GNA14: variants seen among roughly 807,000 people sequenced by gnomAD.
GNA14 encodes the protein G protein subunit alpha 14.
In GNA14, 50 loss-of-function variants were observed where a neutral mutation model predicts 42.0. The ratio of observed to expected loss-of-function variants is 1.19; its 90% CI spans 0.95 to 1.51. The LOEUF is 1.51. Among genes scored for constraint, GNA14 ranks in the 40% most tolerant of loss-of-function variants. The probability of loss-of-function intolerance (pLI) is 0.00; values close to 1 mark genes in which losing one functional copy is unlikely to be tolerated. For synonymous variants in GNA14, 173 were observed against 163.1 expected (o/e 1.06, Z -0.46); for missense variants, 473 against 446.2 (o/e 1.06, Z -0.54).
intron 2 of GNA14, among the ~76,000 whole-genome samples, chr9:77,459,806 C>G (rs112319314): frequency 0.014 from 2,160 of 152,302 alleles, 24 homozygotes; most frequent in South Asian, 0.028. Context: ...ACAAGGCTTT[C>G]TCACAGCCCA....
intron 1 of GNA14, among the ~76,000 whole-genome samples, chr9:77,594,378 G>A (rs1823432963): frequency 1.3e-5 from 2 of 152,154 alleles, no homozygotes; most frequent in South Asian, 2.1e-4. Flanking sequence ...ACTCCACATC[G>A]GCTCCGAGTG....
chr9:77,525,226 C>T (rs1564042764), intron 2 of GNA14, among the ~76,000 whole-genome samples: 1 of 152,156 alleles, frequency 6.6e-6, no homozygotes, highest in Non-Finnish European at 1.5e-5. Context: ...GACCATATAG[C>T]CCACAAATAT....
chr9:77,478,227 T>C (rs1836469393), intron 2 of GNA14, among the ~76,000 whole-genome samples: 1 of 150,362 alleles, frequency 6.7e-6, no homozygotes, highest in African/African-American at 2.4e-5. Flanking sequence ...CCTTCCTGTG[T>C]CCATGTGTTC....
At position 77,607,481 on chromosome 9, in the gene GNA14, A is replaced by G. The variant is rs988042837; in HGVS notation, c.124+40189T>C. Among the ~76,000 whole-genome samples, 4 of 152,180 alleles carry G rather than the reference A, an allele frequency of 2.6e-5. No homozygotes were observed. In the East Asian group the frequency reaches 5.8e-4, roughly 22 times the overall value. On this transcript the variant is annotated intron_variant, in intron 1 of 6. Coordinates refer to ENST00000341700, the MANE Select transcript of GNA14 (RefSeq NM_004297.4). ...AGGAGGGCATGCTAGGTCTAACATT[A>G]TATGTGTCCTCTGCAGATAACCTTC... is the stretch of plus-strand genomic sequence containing the variant.
intron 1 of GNA14, among the ~76,000 whole-genome samples, chr9:77,586,669 G>A (rs959055736): frequency 1.3e-5 from 2 of 152,196 alleles, no homozygotes; most frequent in Non-Finnish European, 2.9e-5. Context: ...AGCTTGAGGC[G>A]GCGGTGTCTG....
intron 2 of GNA14, among the ~76,000 whole-genome samples, chr9:77,453,174 G>T (rs1274120754): frequency 2.0e-5 from 3 of 152,116 alleles, no homozygotes; most frequent in Non-Finnish European, 4.4e-5. Context: ...AAAGAGGCCT[G>T]AGGGAGCTTG....
At chr9:77,558,086 T>C (rs749130094) in intron 1 of GNA14, among the ~76,000 whole-genome samples, 4 of 152,254 alleles carry the variant, frequency 2.6e-5, no homozygotes, top group South Asian at 4.1e-4. Context: ...CATAAACATA[T>C]TTAAAAAATA....
intron 1 of GNA14, among the ~76,000 whole-genome samples, chr9:77,601,556 A>C (rs2117917003): frequency 6.6e-6 from 1 of 152,368 alleles, no homozygotes; most frequent in East Asian, 1.9e-4. Flanking sequence ...TCTACTCTGC[A>C]TAGAAAGAGA....
intron 1 of GNA14, among the ~76,000 whole-genome samples, chr9:77,551,396 C>T (rs775932455): frequency 7.2e-5 from 11 of 152,142 alleles, no homozygotes; most frequent in Non-Finnish European, 1.6e-4. Flanking sequence ...AAACTCATCC[C>T]CATCCACGCC....
chr9:77,488,797 A>C (rs1027131483), intron 2 of GNA14, among the ~76,000 whole-genome samples: 44 of 150,280 alleles, frequency 2.9e-4, no homozygotes, highest in African/African-American at 9.3e-4. Context: ...AAAAAAAAAA[A>C]AAAAAAAAAA....
At chr9:77,429,514 G>A (rs1343778920) in intron 4 of GNA14, among the ~76,000 whole-genome samples, 1 of 152,132 alleles carries the variant, frequency 6.6e-6, no homozygotes, top group Non-Finnish European at 1.5e-5. Flanking sequence ...GCCACCTCTT[G>A]TTCCCTATAA....
intron 1 of GNA14, among the ~76,000 whole-genome samples, chr9:77,605,590 T>TA (rs1454056508): frequency 6.6e-6 from 1 of 152,116 alleles, no homozygotes; most frequent in East Asian, 1.9e-4. Context: ...ACTCAGTCTT[T>TA]AAAAAGAAGG....
chr9:77,629,082 C>T (rs1418596255), intron 1 of GNA14, among the ~76,000 whole-genome samples: 1 of 151,984 alleles, frequency 6.6e-6, no homozygotes, highest in Non-Finnish European at 1.5e-5. Flanking sequence ...AGGATATGAA[C>T]AGACACCTCT....
chr9:77,624,553 G>A (rs1264750836), intron 1 of GNA14, among the ~76,000 whole-genome samples: 1 of 152,148 alleles, frequency 6.6e-6, no homozygotes, highest in Non-Finnish European at 1.5e-5. Flanking sequence ...GCCCCTCTGG[G>A]AAGAAGCTTC....
At chr9:77,534,278 T>TTC (rs1284793407) in intron 1 of GNA14, among the ~76,000 whole-genome samples, 1 of 152,230 alleles carries the variant, frequency 6.6e-6, no homozygotes, top group Non-Finnish European at 1.5e-5. Flanking sequence ...TCCTCCACTC[T>TTC]TCTCTCTCGA....
At chr9:77,498,959 G>T (rs1836920672) in intron 2 of GNA14, among the ~76,000 whole-genome samples, 1 of 152,308 alleles carries the variant, frequency 6.6e-6, no homozygotes, top group Admixed American at 6.5e-5. Flanking sequence ...GTTAAGAAAT[G>T]CTAACAGCTG....
chr9:77,615,362 A>G (rs1052806567), intron 1 of GNA14, among the ~76,000 whole-genome samples: 1 of 152,106 alleles, frequency 6.6e-6, no homozygotes, highest in Non-Finnish European at 1.5e-5. Context: ...AATATGGAAT[A>G]TCTGAAACAC....
chr9:77,607,545 A>G (rs967731204), intron 1 of GNA14, among the ~76,000 whole-genome samples: 2 of 152,216 alleles, frequency 1.3e-5, no homozygotes, highest in African/African-American at 4.8e-5. Context: ...TGCAATAAAG[A>G]AAGGCTGTAA....
chr9:77,641,215 A>C (rs919588992), intron 1 of GNA14, among the ~76,000 whole-genome samples: 1 of 151,220 alleles, frequency 6.6e-6, no homozygotes, highest in Non-Finnish European at 1.5e-5. Flanking sequence ...GTCAAATGCC[A>C]ACTGGTAAAT....
Sources: allele counts gnomAD v4.1 joint callset (sites outside exome capture counted in the v4.1 genomes callset), GRCh38; gene constraint gnomAD v4.1.1; transcripts MANE v1.5; gene names NCBI Gene and HGNC (gene_info 2026-07-23, HGNC 2026-07-21).